C5orf34: variants seen among roughly 807,000 people sequenced by gnomAD.
C5orf34 encodes uncharacterized protein C5orf34.
A neutral mutation model predicts 78.4 loss-of-function variants in C5orf34; 73 were observed. That is an observed-to-expected ratio of 0.93 (90% CI 0.77 to 1.13). The LOEUF is 1.13. Among genes scored for constraint, C5orf34 ranks in the 50% most tolerant of loss-of-function variants. The pLI is 0.00. For synonymous variants in C5orf34, 251 were observed against 246.6 expected, an observed-to-expected ratio of 1.02 and a Z score of -0.17; for missense variants, 730 against 732.7, an observed-to-expected ratio of 1.00 and a Z score of 0.04.
chr5:43,492,347 C>A (rs6895866), intron 9 of C5orf34, 38 bp from the exon 10 acceptor site: 1 of 1,364,444 alleles, frequency 7.3e-7, no homozygotes. Context: ...CATTTTAGAA[C>A]TGAAAAAAAG....
In C5orf34 at chr5:43,511,478, T is replaced by C. The variant is rs1387517258; in HGVS notation, c.-36-2103A>G. Among the ~76,000 whole-genome samples the C allele has an allele frequency of 5.3e-5, 7 of 131,810 alleles. No individual in the cohort carries two copies. The East Asian group carries it at 7.4e-4, about 14-fold the overall frequency. 86.5% of individuals were successfully genotyped at this position (131,810 alleles called of 152,430 possible). ...GGGGGCGCCTCTGCCTGGCCGCCCC[T>C]TCTGGGAAGTGAGGAGCCCCTCTGC... On this transcript the variant is annotated intron_variant, in intron 1 of 12. Transcript: ENST00000306862.
chr5:43,507,800 CG>C (rs1187577168), intron 3 of C5orf34, among the ~76,000 whole-genome samples: 1 of 151,712 alleles, frequency 6.6e-6, no homozygotes, highest in Non-Finnish European at 1.5e-5. Flanking sequence ...GGCTGCCGGC[CG>C]GGCGCGGTGG....
Position 43,506,146 on chromosome 5 carries a change from G to A in C5orf34, c.534C>T (p.Gly178=), listed in dbSNP as rs1317816870. Residue 178 remains glycine (G), a synonymous_variant, in exon 4 of 13, where the codon GGC becomes GGT. Transcript: ENST00000306862. ...APKDKLVEKT[G]KICIRGNLPG... ...GTAAATTTCCACGTATACAGATTTTGCCAGTTTTTTCAACTAGTTTATCTT... is the reference window on the plus strand; with the variant it reads ...GTAAATTTCCACGTATACAGATTTTACCAGTTTTTTCAACTAGTTTATCTT... 3.1e-6 allele frequency: 5 copies of A among 1,614,062 alleles called. No homozygotes were observed. In the Admixed American group the frequency reaches 8.3e-5, roughly 27 times the overall value.
In C5orf34 at chr5:43,490,817, G is replaced by T. The variant is rs188477660; in HGVS notation, c.1581-88C>A. The T allele has an allele frequency of 1.3e-4, 86 of 646,478 alleles. No homozygotes were observed. The Middle Eastern group carries it at 2.0e-3, about 15-fold the overall frequency. 40.0% of individuals were successfully genotyped at this position (646,478 alleles called of 1,614,324 possible). On this transcript the variant is annotated intron_variant, in intron 10 of 12. Transcript: ENST00000306862. ...AACAAATGTAAAAATAAGACAATTT[G>T]GGAAAAAAGGATAAAGAAAAAATGT...
chr5:43,503,666 T>A lies in C5orf34; in HGVS notation c.1027A>T (p.Arg343Ter), dbSNP rs1454919422. The A allele has an allele frequency of 1.9e-6, 3 of 1,599,532 alleles. No individual in the cohort carries two copies. In the South Asian group the frequency reaches 3.3e-5, roughly 18 times the overall value. The change falls in exon 5 of 13, where the codon AGA becomes TGA. Residue 343 changes from arginine to a stop codon, truncating the protein, a stop_gained and splice_region_variant. Coordinates refer to ENST00000306862, the MANE Select transcript of C5orf34 (RefSeq NM_198566.4). LOFTEE classifies it high-confidence loss of function. ...KMVWYKGVTY[R>*]LTHQNMNSIE... Reference sequence around the variant, plus strand: ...TAGAAGCCAACATAGGTGCCTTACCTATATGTAACACCTTTGTACCAAACC... The same window carrying A: ...TAGAAGCCAACATAGGTGCCTTACCAATATGTAACACCTTTGTACCAAACC...
intron 11 of C5orf34, among the ~76,000 whole-genome samples, chr5:43,489,718 G>T (rs988324697): frequency 6.6e-6 from 1 of 152,074 alleles, no homozygotes; most frequent in East Asian, 1.9e-4. Context: ...GATATGATTT[G>T]ATTTGTTCTA....
intron 6 of C5orf34, 95 bp downstream of exon 6, chr5:43,502,277 T>C: frequency 7.8e-7 from 1 of 1,276,944 alleles, no homozygotes; most frequent in Non-Finnish European, 1.1e-6. Context: ...GGAAGCAATG[T>C]TATATAATGA....
intron 3 of C5orf34, 65 bp from the exon 4 acceptor site, chr5:43,506,459 T>C (rs1243354893): frequency 6.9e-7 from 1 of 1,457,068 alleles, no homozygotes; most frequent in African/African-American, 1.4e-5. Flanking sequence ...TTCCATATAT[T>C]TGATATTTAA....
intron 10 of C5orf34, 68 bp from the exon 11 acceptor site, chr5:43,490,797 A>T: frequency 1.3e-6 from 1 of 761,884 alleles, no homozygotes; most frequent in Non-Finnish European, 2.1e-6. Flanking sequence ...TTATAAACAA[A>T]TGTAAAAATA....
Position 43,490,641 on chromosome 5 carries a change from G to C in C5orf34, c.1669C>G (p.Gln557Glu), listed in dbSNP as rs991943330. 1 of 1,600,748 alleles carries C rather than the reference G, an allele frequency of 6.2e-7. No homozygotes were observed. Among genetic ancestry groups the C allele is most frequent in the African/African-American group, 1.3e-5 (1 of 74,586 alleles). ...TTAAAAGAAAAATACCAATTTTCTT[G>C]GAGAACAGAAGATGACGAATGAGTG... ...MPTHSSSSVL[Q>E]ENWSVASELE... is the part of the protein sequence containing the mutation. The change falls in exon 11 of 13, where the codon CAA (glutamine) becomes GAA (glutamate). Residue 557 changes from glutamine (Q) to glutamate (E), a missense_variant. Coordinates refer to ENST00000306862, the MANE Select transcript of C5orf34 (RefSeq NM_198566.4).
chr5:43,496,651 G>A (rs567093295), intron 6 of C5orf34, among the ~76,000 whole-genome samples: 9 of 145,660 alleles, frequency 6.2e-5, no homozygotes, highest in African/African-American at 1.6e-4. Flanking sequence ...GTACAGTGGC[G>A]CAATTACAGC....
chr5:43,499,501 C>A (rs1161891601), intron 6 of C5orf34, among the ~76,000 whole-genome samples: 1 of 152,038 alleles, frequency 6.6e-6, no homozygotes, highest in African/African-American at 2.4e-5. Context: ...ATAAATAATA[C>A]ATTAAGTTTT....
rs1746429499 is a variant in C5orf34 at position 43,515,065 on chromosome 5, C to G, written c.-296G>C. ...AACAGGAAAGCGGAGACAGCGCCAA[C>G]TGTAACCACTAAGAGAAAGCGCAAA... On this transcript the variant is annotated 5_prime_UTR_variant, in exon 1 of 13. Coordinates refer to ENST00000306862, the MANE Select transcript of C5orf34 (RefSeq NM_198566.4). 1 of 152,408 alleles carries G rather than the reference C, an allele frequency of 6.6e-6. No individual in the cohort carries two copies. The highest frequency in any genetic ancestry group is 1.5e-5 in the Non-Finnish European group (1 of 68,084). The allele number at this position is 152,408 out of a possible 1,614,324, so 9.4% of individuals were successfully genotyped here. A position where few individuals can be genotyped will look rare whatever the true frequency, so the allele number is the denominator to read the frequency against.
At chr5:43,490,790 T>C in intron 10 of C5orf34, 61 bp from the exon 11 acceptor site, 1 of 787,352 alleles carries the variant, frequency 1.3e-6, no homozygotes. Context: ...TATAAAATTA[T>C]AAACAAATGT....
At chr5:43,513,717 G>C (rs938753168) in intron 1 of C5orf34, among the ~76,000 whole-genome samples, 1 of 152,054 alleles carries the variant, frequency 6.6e-6, no homozygotes, top group Non-Finnish European at 1.5e-5. Context: ...CTTTTCCTTG[G>C]CTAATCACAA....
chr5:43,493,029 C>A, intron 8 of C5orf34, 139 bp from the exon 9 acceptor site: 2 of 436,246 alleles, frequency 4.6e-6, no homozygotes, highest in Non-Finnish European at 8.0e-6. Flanking sequence ...TTAATTTTTC[C>A]AGAAGTGGAT....
chr5:43,496,702 G>T (rs1374961731), intron 6 of C5orf34, among the ~76,000 whole-genome samples: 2 of 149,216 alleles, frequency 1.3e-5, no homozygotes, highest in African/African-American at 5.0e-5. Context: ...TCCCACCTCA[G>T]CCTCCCAAGT....
intron 3 of C5orf34, among the ~76,000 whole-genome samples, chr5:43,507,649 A>G (rs1240205534): frequency 6.6e-6 from 1 of 152,358 alleles, no homozygotes; most frequent in East Asian, 1.9e-4. Flanking sequence ...GACAGCATAG[A>G]AAGGTAGCAG....
rs747312427 is a variant in C5orf34 at position 43,487,065 on chromosome 5, T to C, written c.1767A>G (p.Lys589=). The C allele has an allele frequency of 6.4e-7, 1 of 1,568,258 alleles. No homozygotes were observed. Among genetic ancestry groups the C allele is most frequent in the Admixed American group, 1.9e-5 (1 of 52,112 alleles). The change falls in exon 13 of 13, where the codon AAA becomes AAG. Residue 589 remains lysine (K), a synonymous_variant. Coordinates refer to ENST00000306862, the MANE Select transcript of C5orf34 (RefSeq NM_198566.4). Reference sequence around the variant, plus strand: ...AATGATCAAAAGACTGTTGTTCATTTTTCTTGTTAGAAATCTGGTTTAGGA... The same window carrying C: ...AATGATCAAAAGACTGTTGTTCATTCTTCTTGTTAGAAATCTGGTTTAGGA... ...SGILNQISNK[K]NEQQSFDHYK...
Sources: gnomAD v4.1 joint callset for allele counts (sites outside exome capture counted in the v4.1 genomes callset) on GRCh38, gnomAD v4.1.1 for gene constraint, MANE v1.5 for transcripts, NCBI Gene and HGNC (gene_info 2026-07-23, HGNC 2026-07-21) for gene names.